The following ZNF583 variants were observed in gnomAD, a reference collection of about 807,000 sequenced individuals.
ZNF583 encodes zinc finger protein 583, also known as zinc finger protein L3-5.
Under a neutral mutation model 55.3 loss-of-function variants are expected in ZNF583, and 30 were observed. That is an observed-to-expected ratio of 0.54 (90% CI 0.41 to 0.74). ZNF583 has a LOEUF of 0.74. Ranked by LOEUF, ZNF583 falls within the 30% of genes least tolerant of loss-of-function variation. The pLI is 0.00. For missense variants in ZNF583, 504 were observed against 664.7 expected, an observed-to-expected ratio of 0.76 and a Z score of 2.66; for synonymous variants, 208 against 220.0, an observed-to-expected ratio of 0.95 and a Z score of 0.48.
intron 1 of ZNF583, among the ~76,000 whole-genome samples, chr19:56,406,795 G>T (rs1168878443): frequency 6.6e-6 from 1 of 152,046 alleles, no homozygotes; most frequent in Non-Finnish European, 1.5e-5. Flanking sequence ...CCAAAGTGCT[G>T]GGATTACAGG....
intron 1 of ZNF583, 109 bp from the exon 2 acceptor site, chr19:56,406,917 C>G: frequency 1.8e-6 from 1 of 564,850 alleles, no homozygotes; most frequent in African/African-American, 1.9e-5. Flanking sequence ...CTCTAATTTA[C>G]TCCTGAGGTT....
intron 4 of ZNF583, among the ~76,000 whole-genome samples, chr19:56,417,396 G>A (rs2042344146): frequency 6.6e-6 from 1 of 152,070 alleles, no homozygotes; most frequent in African/African-American, 2.4e-5. Flanking sequence ...TTGTATTGTG[G>A]TTTTAATATG....
In ZNF583 at chr19:56,423,430, C is replaced by T. The variant is rs2042451245; in HGVS notation, c.772C>T (p.His258Tyr). ...CAGCCAGAGTGCAAACTTGGCGCAA[C>T]ATAAGAGAATACATACTGGAGAGAA... is the stretch of plus-strand genomic sequence containing the variant. ...TFSQSANLAQ[H>Y]KRIHTGEKPY... The change falls in exon 5 of 5, where the codon CAT (histidine) becomes TAT (tyrosine). Residue 258 changes from histidine to tyrosine, a missense_variant. This residue lies in a region of ZNF583 where 237 missense variants were observed against 373.0 expected (regional missense o/e 0.64). Transcript: ENST00000333201. 6.2e-7 allele frequency: 1 copy of T among 1,613,936 alleles called. No homozygotes were observed. Among genetic ancestry groups the T allele is most frequent in the Non-Finnish European group, 8.5e-7 (1 of 1,179,870 alleles).
At position 56,422,909 on chromosome 19, in the gene ZNF583, A is replaced by C. The variant is rs764280083; in HGVS notation, c.251A>C (p.Lys84Thr). 6 of 1,604,790 alleles carry C rather than the reference A, an allele frequency of 3.7e-6. No homozygotes were observed. Among genetic ancestry groups the C allele is most frequent in the African/African-American group, 2.7e-5 (2 of 74,516 alleles). ...GPCPDWEYVF[K>T]NSEFSSKQET... ...CTTTTAGATTGGGAGTATGTATTTA[A>C]AAACAGTGAATTTTCATCAAAGCAA... Residue 84 changes from lysine to threonine, a missense_variant, in exon 5 of 5, where the codon AAA (lysine) becomes ACA (threonine). This residue lies in a region of ZNF583 where 204 missense variants were observed against 235.2 expected (regional missense o/e 0.87). Transcript: ENST00000333201.
intron 4 of ZNF583, among the ~76,000 whole-genome samples, chr19:56,418,503 TAATAG>T (rs1415040561): frequency 2.6e-5 from 4 of 152,226 alleles, no homozygotes; most frequent in Admixed American, 1.3e-4. Flanking sequence ...CCTAAGTCTG[TAATAG>T]TTTTTTGAGT....
chr19:56,410,308 G>A (rs1334572024), intron 2 of ZNF583, among the ~76,000 whole-genome samples: 1 of 152,146 alleles, frequency 6.6e-6, no homozygotes, highest in Non-Finnish European at 1.5e-5. Flanking sequence ...TTGAGGTTAA[G>A]TAATTTTGTG....
Position 56,423,271 on chromosome 19 carries a change from GTC to G in ZNF583, c.615_616del (p.Tyr206CysfsTer9). On this transcript the variant is annotated frameshift_variant, in exon 5 of 5. Transcript: ENST00000333201. LOFTEE classifies it high-confidence loss of function. ...KKSVEMKHRK[V>X]YVEKKLLKCN... ...ATCTGTTGAAATGAAACATAGGAAAGTCTATGTAGAAAAGAAACTTTTGAAAT... is the reference window on the plus strand; with the variant it reads ...ATCTGTTGAAATGAAACATAGGAAAGTATGTAGAAAAGAAACTTTTGAAAT... 1.9e-6 allele frequency: 3 copies of G among 1,609,896 alleles called. No homozygotes were observed. The highest frequency in any genetic ancestry group is 2.5e-6 in the Non-Finnish European group (3 of 1,178,984).
rs145234165 is a variant in ZNF583 at position 56,405,294 on chromosome 19, C to T, written c.-90+842C>T. ...TGTGACTTAGCACTGTATGTCATCC[C>T]GACAGTGAGTGTGACAGTGTGACTG... On this transcript the variant is annotated intron_variant, in intron 1 of 4. Coordinates refer to ENST00000333201, the MANE Select transcript of ZNF583 (RefSeq NM_152478.3). Among the ~76,000 whole-genome samples the T allele has an allele frequency of 4.8e-4, 73 of 152,124 alleles. 1 individual carries two copies. In the East Asian group the frequency reaches 0.014, roughly 29 times the overall value.
intron 4 of ZNF583, among the ~76,000 whole-genome samples, chr19:56,422,502 T>C (rs1427962180): frequency 6.6e-6 from 1 of 152,160 alleles, no homozygotes; most frequent in Admixed American, 6.5e-5. Context: ...CTACTGTTGT[T>C]TTTAGGCCTG....
chr19:56,413,482 T>G (rs2042269165), intron 2 of ZNF583, among the ~76,000 whole-genome samples: 1 of 152,220 alleles, frequency 6.6e-6, no homozygotes, highest in Non-Finnish European at 1.5e-5. Context: ...TTATACAACC[T>G]TATTGATGTC....
rs1171544469 is a variant in ZNF583 at position 56,427,325 on chromosome 19, G to A, written c.*2957G>A. 2.0e-5 allele frequency: 3 copies of A among 152,110 alleles called. No homozygotes were observed. The highest frequency in any genetic ancestry group is 4.4e-5 in the Non-Finnish European group (3 of 68,036). 9.4% of individuals were successfully genotyped at this position (152,110 alleles called of 1,614,324 possible). ...AAAAATCTAAATGTAAATTACTAAA[G>A]CAAAAGTATTAGAAAAAATATAGTG... On this transcript the variant is annotated 3_prime_UTR_variant, in exon 5 of 5. Transcript: ENST00000333201.
intron 4 of ZNF583, 57 bp downstream of exon 4, chr19:56,414,497 C>A: frequency 6.6e-7 from 1 of 1,505,408 alleles, no homozygotes; most frequent in Non-Finnish European, 9.1e-7. Context: ...CTCAGCAATT[C>A]TGAAAGATTT....
At chr19:56,421,710 T>C (rs1442496264) in intron 4 of ZNF583, among the ~76,000 whole-genome samples, 1 of 152,204 alleles carries the variant, frequency 6.6e-6, no homozygotes, top group African/African-American at 2.4e-5. Flanking sequence ...CCAAAGATAC[T>C]AAGCACCTTC....
chr19:56,410,020 G>A (rs1447284105), intron 2 of ZNF583, among the ~76,000 whole-genome samples: 1 of 151,940 alleles, frequency 6.6e-6, no homozygotes, highest in African/African-American at 2.4e-5. Flanking sequence ...CCTATGATTA[G>A]TACCCTTATC....
intron 4 of ZNF583, among the ~76,000 whole-genome samples, chr19:56,417,814 G>A (rs1018616726): frequency 3.9e-5 from 6 of 152,134 alleles, no homozygotes; most frequent in Admixed American, 2.6e-4. Context: ...GCTAATTTAT[G>A]TGTCTTGTGT....
At chr19:56,410,221 C>T (rs1386618888) in intron 2 of ZNF583, among the ~76,000 whole-genome samples, 1 of 152,142 alleles carries the variant, frequency 6.6e-6, no homozygotes, top group African/African-American at 2.4e-5. Context: ...TTTACTCCCA[C>T]CCTGAATTGT....
intron 2 of ZNF583, among the ~76,000 whole-genome samples, chr19:56,407,908 A>C (rs1027310306): frequency 2.0e-5 from 3 of 152,202 alleles, no homozygotes; most frequent in African/African-American, 7.2e-5. Context: ...AATGTTAAGA[A>C]ACAAATCCAA....
intron 2 of ZNF583, among the ~76,000 whole-genome samples, chr19:56,410,287 T>TA (rs1568803879): frequency 6.6e-6 from 1 of 152,070 alleles, no homozygotes; most frequent in East Asian, 1.9e-4. Flanking sequence ...ATAGTGTAAT[T>TA]AAAAATTTTT....
In ZNF583 at chr19:56,423,748, C is replaced by T. The variant is rs550576809; in HGVS notation, c.1090C>T (p.Arg364Cys). 3.1e-6 allele frequency: 5 copies of T among 1,606,850 alleles called. No homozygotes were observed. Among genetic ancestry groups the T allele is most frequent in the South Asian group, 2.2e-5 (2 of 90,768 alleles). Residue 364 changes from arginine to cysteine, a missense_variant, in exon 5 of 5, where the codon CGT becomes TGT. By Grantham distance (180) the Arg-to-Cys change is radical (BLOSUM62 -3). Coordinates refer to ENST00000333201, the MANE Select transcript of ZNF583 (RefSeq NM_152478.3). ...CNVCGKAFSH[R>C]GYLIVHQRIH... is the part of the protein sequence containing the mutation. Reference sequence around the variant, plus strand: ...TGTGTGTGGGAAAGCCTTTAGCCATCGTGGATACCTAATTGTACATCAGAG... The same window carrying T: ...TGTGTGTGGGAAAGCCTTTAGCCATTGTGGATACCTAATTGTACATCAGAG...
Sources: gnomAD v4.1 joint callset for allele counts (sites outside exome capture counted in the v4.1 genomes callset) on GRCh38, gnomAD v4.1.1 for gene constraint, gnomAD v4.1.1 regional missense constraint, MANE v1.5 for transcripts, NCBI Gene and HGNC (gene_info 2026-07-23, HGNC 2026-07-21) for gene names.